The following L3MBTL4 variants were observed in gnomAD, a reference collection of about 807,000 sequenced individuals.
L3MBTL4 encodes the protein L3MBTL histone methyl-lysine binding protein 4.
A neutral mutation model predicts 84.5 loss-of-function variants in L3MBTL4; 70 were observed. That is an observed-to-expected ratio of 0.83 (90% CI 0.68 to 1.01). L3MBTL4 has a LOEUF of 1.01. L3MBTL4 is among the 50% of genes least tolerant of loss of function. The probability of loss-of-function intolerance (pLI) is 0.00; values close to 1 mark genes in which losing one functional copy is unlikely to be tolerated. For synonymous variants in L3MBTL4, 274 were observed against 259.8 expected (o/e 1.05, Z -0.52); for missense variants, 715 against 754.8 (o/e 0.95, Z 0.62).
intron 16 of L3MBTL4, among the ~76,000 whole-genome samples, chr18:5,985,348 A>C (rs2053420656): frequency 1.3e-5 from 2 of 152,092 alleles, no homozygotes; most frequent in African/African-American, 4.8e-5. Flanking sequence ...TTGGGGCAAA[A>C]ATCTCTGCTT....
At chr18:6,374,728 G>A (rs12960650) in intron 1 of L3MBTL4, among the ~76,000 whole-genome samples, 56,560 of 151,696 alleles carry the variant, frequency 0.37, 11,749 homozygotes, top group Middle Eastern at 0.5. Context: ...AACCAGTCAC[G>A]CCCCGCCTCT....
chr18:6,152,647 T>C (rs1452673645), intron 13 of L3MBTL4, among the ~76,000 whole-genome samples: 1 of 152,240 alleles, frequency 6.6e-6, no homozygotes, highest in East Asian at 1.9e-4. Flanking sequence ...TACATGGAGA[T>C]AACCCTTTAT....
intron 13 of L3MBTL4, among the ~76,000 whole-genome samples, chr18:6,159,575 G>A (rs1196246509): frequency 6.6e-6 from 1 of 152,122 alleles, no homozygotes; most frequent in East Asian, 1.9e-4. Flanking sequence ...TCTTAAGTTG[G>A]AGATGCAAAG....
chr18:6,353,693 T>C (rs1021575129), intron 1 of L3MBTL4, among the ~76,000 whole-genome samples: 5 of 151,784 alleles, frequency 3.3e-5, no homozygotes, highest in Non-Finnish European at 7.4e-5. Flanking sequence ...TTACAATAGG[T>C]AGAAATAAAA....
intron 16 of L3MBTL4, among the ~76,000 whole-genome samples, chr18:6,048,714 G>A (rs149580652): frequency 0.064 from 9,649 of 151,558 alleles, 1,031 homozygotes; most frequent in African/African-American, 0.22. Context: ...GCTTGAACCC[G>A]GGAGGCGGAG....
intron 12 of L3MBTL4, among the ~76,000 whole-genome samples, chr18:6,184,975 C>G (rs2044653756): frequency 1.3e-5 from 2 of 152,154 alleles, no homozygotes; most frequent in Admixed American, 1.3e-4. Flanking sequence ...CTTGGGCAAC[C>G]TAGTTAATGG....
chr18:6,124,256 A>G (rs1305632391), intron 14 of L3MBTL4, among the ~76,000 whole-genome samples: 1 of 152,148 alleles, frequency 6.6e-6, no homozygotes, highest in Non-Finnish European at 1.5e-5. Flanking sequence ...GAAATTCTAG[A>G]GAGAATATAT....
intron 16 of L3MBTL4, among the ~76,000 whole-genome samples, chr18:6,046,194 C>T (rs768668707): frequency 5.9e-5 from 9 of 152,180 alleles, no homozygotes; most frequent in Non-Finnish European, 1.3e-4. Context: ...TTCAAGTCAA[C>T]TAGAAGACTT....
chr18:6,384,353 T>C (rs67347936), intron 1 of L3MBTL4, among the ~76,000 whole-genome samples: 36,879 of 152,036 alleles, frequency 0.24, 7,387 homozygotes, highest in African/African-American at 0.55. Flanking sequence ...TATACATATA[T>C]CTGTAGTCAC....
At chr18:5,981,998 G>GTGTGTT (rs1555622583) in intron 16 of L3MBTL4, among the ~76,000 whole-genome samples, 54 of 128,680 alleles carry the variant, frequency 4.2e-4, no homozygotes, top group South Asian at 1.2e-3. Flanking sequence ...GTGTGTGTGT[G>GTGTGTT]TGTGTGTGTG....
intron 16 of L3MBTL4, among the ~76,000 whole-genome samples, chr18:5,979,721 G>A (rs2053120330): frequency 6.6e-6 from 1 of 152,158 alleles, no homozygotes; most frequent in Non-Finnish European, 1.5e-5. Flanking sequence ...TCACACTTTG[G>A]GGGCAGGGTG....
At chr18:6,390,874 G>A (rs1246636289) in intron 1 of L3MBTL4, among the ~76,000 whole-genome samples, 2 of 152,074 alleles carry the variant, frequency 1.3e-5, no homozygotes, top group South Asian at 4.1e-4. Context: ...AGGGCCAGAC[G>A]TATTCACAGC....
intron 5 of L3MBTL4, among the ~76,000 whole-genome samples, chr18:6,262,775 A>G (rs2048462115): frequency 6.6e-6 from 1 of 152,098 alleles, no homozygotes; most frequent in African/African-American, 2.4e-5. Flanking sequence ...CCTAGACAAC[A>G]AAAGGACATG....
intron 16 of L3MBTL4, among the ~76,000 whole-genome samples, chr18:6,074,645 G>C (rs2057797563): frequency 6.6e-6 from 1 of 152,136 alleles, no homozygotes; most frequent in Admixed American, 6.6e-5. Flanking sequence ...TGGGGGACTG[G>C]TGTTATTTAA....
intron 14 of L3MBTL4, among the ~76,000 whole-genome samples, chr18:6,136,700 A>C (rs2060038691): frequency 6.6e-6 from 1 of 152,168 alleles, no homozygotes; most frequent in Admixed American, 6.5e-5. Flanking sequence ...CCCCCTAAAA[A>C]TTCTGTAATG....
At chr18:6,092,328 T>C (rs903471540) in intron 15 of L3MBTL4, among the ~76,000 whole-genome samples, 1 of 152,226 alleles carries the variant, frequency 6.6e-6, no homozygotes, top group Non-Finnish European at 1.5e-5. Flanking sequence ...ATTCTCCGAA[T>C]AAACTGGCGC....
At chr18:6,328,193 G>A (rs1401851132) in intron 1 of L3MBTL4, among the ~76,000 whole-genome samples, 2 of 152,166 alleles carry the variant, frequency 1.3e-5, no homozygotes, top group African/African-American at 4.8e-5. Context: ...GCTGCCCCTG[G>A]CTACATTATA....
At chr18:6,048,635 A>G (rs182623149) in intron 16 of L3MBTL4, among the ~76,000 whole-genome samples, 212 of 152,174 alleles carry the variant, frequency 1.4e-3, no homozygotes, top group Admixed American at 2.7e-3. Flanking sequence ...CGTCTCTACT[A>G]AAAATTAGCC....
At chr18:6,293,789 A>G (rs1396215819) in intron 4 of L3MBTL4, among the ~76,000 whole-genome samples, 1 of 152,218 alleles carries the variant, frequency 6.6e-6, no homozygotes, top group East Asian at 1.9e-4. Context: ...ATCATGAGGC[A>G]GTATCAGACA....
Sources: allele counts gnomAD v4.1 joint callset (sites outside exome capture counted in the v4.1 genomes callset), GRCh38; gene constraint gnomAD v4.1.1; transcripts MANE v1.5; gene names NCBI Gene and HGNC (gene_info 2026-07-23, HGNC 2026-07-21).